The following PRKG1 variants were observed in gnomAD, a reference collection of about 807,000 sequenced individuals.
PRKG1 encodes protein kinase cGMP-dependent 1, also known as cGMP-dependent protein kinase 1.
PRKG1 carries 35 observed loss-of-function variants against 88.1 expected under a neutral mutation model. The observed-to-expected ratio is 0.40, with a 90% CI of 0.30 to 0.53. The LOEUF is 0.53. Among genes scored for constraint, PRKG1 ranks in the 20% least tolerant of loss-of-function variants. The pLI is 0.59. For synonymous variants in PRKG1, 303 were observed against 292.5 expected, an observed-to-expected ratio of 1.04 and a Z score of -0.37; for missense variants, 540 against 839.8, an observed-to-expected ratio of 0.64 and a Z score of 4.41.
intron 3 of PRKG1, among the ~76,000 whole-genome samples, chr10:51,803,880 A>G (rs193099295): frequency 4.6e-5 from 7 of 152,290 alleles, no homozygotes; most frequent in Non-Finnish European, 8.8e-5. Context: ...AAACTATAAC[A>G]TTTGTCTTTT....
At chr10:52,287,815 G>T (rs1842155302) in intron 14 of PRKG1, among the ~76,000 whole-genome samples, 1 of 151,996 alleles carries the variant, frequency 6.6e-6, no homozygotes, top group Non-Finnish European at 1.5e-5. Context: ...CCTCTGAGCA[G>T]AGAGAAAAGG....
chr10:51,829,055 G>A (rs1839943254), intron 4 of PRKG1, among the ~76,000 whole-genome samples: 3 of 152,170 alleles, frequency 2.0e-5, no homozygotes, highest in Admixed American at 1.3e-4. Context: ...TGCCCAGGTT[G>A]CAGTCTCATC....
chr10:51,003,016 A>T (rs1011030273), intron 1 of PRKG1, among the ~76,000 whole-genome samples: 2 of 152,148 alleles, frequency 1.3e-5, no homozygotes, highest in Admixed American at 1.3e-4. Flanking sequence ...TATTTATTTG[A>T]GGTTATCAAT....
chr10:51,046,589 G>A (rs772939963), intron 1 of PRKG1, among the ~76,000 whole-genome samples: 4 of 152,182 alleles, frequency 2.6e-5, no homozygotes, highest in African/African-American at 4.8e-5. Flanking sequence ...TTGAGCTGTC[G>A]CTTTTGCAGA....
chr10:51,495,068 A>C lies in PRKG1; in HGVS notation c.592+27232A>C, dbSNP rs181664735. On this transcript the variant is annotated intron_variant, in intron 3 of 17. Coordinates refer to ENST00000373980, the MANE Select transcript of PRKG1 (RefSeq NM_006258.4). Reference sequence around the variant, plus strand: ...TTTTGCCAAATTAAAATTGTGTTCAAGTCCATGGGATGTACCAATGTGATA... The same window carrying C: ...TTTTGCCAAATTAAAATTGTGTTCACGTCCATGGGATGTACCAATGTGATA... Among the ~76,000 whole-genome samples, 172 of 152,176 alleles carry C rather than the reference A, an allele frequency of 1.1e-3. 1 individual carries two copies. The highest frequency in any genetic ancestry group is 3.8e-3 in the African/African-American group (156 of 41,534).
chr10:51,397,655 G>A (rs554205084), intron 2 of PRKG1, among the ~76,000 whole-genome samples: 24 of 151,902 alleles, frequency 1.6e-4, no homozygotes, highest in African/African-American at 5.6e-4. Flanking sequence ...TCAGGAAATT[G>A]TTTTCTTTGC....
rs138427869 is a variant in PRKG1, at chr10:51,118,002, G to GT, written c.312-35158dup. Reference sequence around the variant, plus strand: ...GCAGTGATGTCTTTATCACTAGGGGGTTTTCACTAAAATCTCAGTGATGAC... The same window carrying GT: ...GCAGTGATGTCTTTATCACTAGGGGGTTTTTCACTAAAATCTCAGTGATGAC... On this transcript the variant is annotated intron_variant, in intron 1 of 17. Transcript: ENST00000373980. 3.4e-3 allele frequency among the ~76,000 whole-genome samples: 518 copies of GT among 152,282 alleles called. 1 individual carries two copies. Among genetic ancestry groups the GT allele is most frequent in the African/African-American group, 0.012 (495 of 41,568 alleles).
intron 5 of PRKG1, among the ~76,000 whole-genome samples, chr10:51,918,491 C>T: frequency 6.6e-6 from 1 of 152,062 alleles, no homozygotes; most frequent in Non-Finnish European, 1.5e-5. Context: ...TTGCTCCATG[C>T]TGCTTGTAAT....
rs1320330831 is a variant in PRKG1 at position 51,946,926 on chromosome 10, G to C, written c.762+39356G>C. Among the ~76,000 whole-genome samples the C allele has an allele frequency of 3.9e-5, 6 of 152,110 alleles. No individual in the cohort carries two copies. The East Asian group carries it at 1.2e-3, about 29-fold the overall frequency. On this transcript the variant is annotated intron_variant, in intron 5 of 17. Coordinates refer to ENST00000373980, the MANE Select transcript of PRKG1 (RefSeq NM_006258.4). ...GGGGTCAGGGGTCAGGGACCCACCT[G>C]AGGAGGCAGTCTGCCTGTTCTCAGA...
rs1347008761 is a variant in PRKG1, at chr10:51,519,963, A to C, written c.592+52127A>C. Among the ~76,000 whole-genome samples, 14 of 152,258 alleles carry C rather than the reference A, an allele frequency of 9.2e-5. 1 individual carries two copies. The highest frequency in any genetic ancestry group is 6.5e-4 in the Admixed American group (10 of 15,290). On this transcript the variant is annotated intron_variant, in intron 3 of 17. Coordinates refer to ENST00000373980, the MANE Select transcript of PRKG1 (RefSeq NM_006258.4). ...TGTTCTAGGCACTTAGTATTTAACT[A>C]TCTCATTTAATTTTTACAACAAACC...
intron 5 of PRKG1, among the ~76,000 whole-genome samples, chr10:51,938,662 C>T (rs1193116142): frequency 6.6e-6 from 1 of 151,940 alleles, no homozygotes; most frequent in Non-Finnish European, 1.5e-5. Context: ...GACACCTGCA[C>T]ATGTGATGTC....
At chr10:52,292,855 C>G (rs990322787) in intron 17 of PRKG1, among the ~76,000 whole-genome samples, 1 of 151,894 alleles carries the variant, frequency 6.6e-6, no homozygotes, top group Non-Finnish European at 1.5e-5. Context: ...TGGCACAAGA[C>G]AGGGATGCCC....
intron 1 of PRKG1, among the ~76,000 whole-genome samples, chr10:51,132,563 A>G (rs551045110): frequency 6.6e-6 from 1 of 151,566 alleles, no homozygotes; most frequent in Non-Finnish European, 1.5e-5. Context: ...TGGGGTAGCT[A>G]GAGTAACTCT....
chr10:51,184,914 T>C (rs1236908575), intron 2 of PRKG1, among the ~76,000 whole-genome samples: 1 of 152,150 alleles, frequency 6.6e-6, no homozygotes, highest in African/African-American at 2.4e-5. Flanking sequence ...GGGAGAAACC[T>C]AGTGACAGCA....
chr10:51,189,185 T>G (rs985235058), intron 2 of PRKG1, among the ~76,000 whole-genome samples: 1 of 151,922 alleles, frequency 6.6e-6, no homozygotes, highest in Non-Finnish European at 1.5e-5. Flanking sequence ...AGGATGCTCA[T>G]CTTTTCCAGG....
chr10:51,834,217 C>T (rs1010495076), intron 4 of PRKG1, among the ~76,000 whole-genome samples: 7 of 152,188 alleles, frequency 4.6e-5, no homozygotes, highest in African/African-American at 1.4e-4. Context: ...TGAAACTGTG[C>T]CCTGCCTCTT....
chr10:51,103,603 C>T (rs970566219), intron 1 of PRKG1, among the ~76,000 whole-genome samples: 14 of 152,104 alleles, frequency 9.2e-5, no homozygotes, highest in Non-Finnish European at 1.9e-4. Context: ...AAAGGATGTG[C>T]ATCACCAAAT....
At chr10:51,601,578 C>T (rs1838600951) in intron 3 of PRKG1, among the ~76,000 whole-genome samples, 1 of 152,056 alleles carries the variant, frequency 6.6e-6, no homozygotes, top group Admixed American at 6.6e-5. Flanking sequence ...ATATCCCTTT[C>T]CTGCCTTTTC....
intron 2 of PRKG1, among the ~76,000 whole-genome samples, chr10:51,232,980 G>T (rs1838886476): frequency 1.3e-5 from 2 of 152,148 alleles, no homozygotes; most frequent in African/African-American, 4.8e-5. Flanking sequence ...GAACAAAGTG[G>T]GCTCAAAGAC....
Sources: gnomAD v4.1 joint callset for allele counts (sites outside exome capture counted in the v4.1 genomes callset) on GRCh38, gnomAD v4.1.1 for gene constraint, MANE v1.5 for transcripts, NCBI Gene and HGNC (gene_info 2026-07-23, HGNC 2026-07-21) for gene names.